VSIG4: variants seen among roughly 807,000 people sequenced by gnomAD.
VSIG4 encodes the protein V-set and immunoglobulin domain-containing protein 4.
Under a neutral mutation model 23.4 loss-of-function variants are expected in VSIG4, and 34 were observed. The observed-to-expected ratio is 1.45, with a 90% CI of 1.10 to 1.93. VSIG4 has a LOEUF of 1.93. Ranked by LOEUF, VSIG4 falls within the 30% of genes most tolerant of loss-of-function variation. The probability of loss-of-function intolerance (pLI) is 0.00; values close to 1 mark genes in which losing one functional copy is unlikely to be tolerated. For synonymous variants in VSIG4, 169 were observed against 120.3 expected (o/e 1.41, Z -2.65); for missense variants, 433 against 310.8 (o/e 1.39, Z -2.96).
At position 66,022,331 on chromosome X, in the gene VSIG4, C is replaced by A. The variant is rs181375443; in HGVS notation, c.1132G>T (p.Ala378Ser). Residue 378 changes from alanine to serine, a missense_variant, in exon 8 of 8, where the codon GCC becomes TCC. Physicochemically the swap from Ala to Ser is moderately conservative, Grantham distance 99. Transcript: ENST00000374737. The stretch of plus-strand genomic sequence containing the variant: ...AGAGGAACTGTGTCCAGCAGGCGGG[C>A]GTAGTTGCCATTGATCTGGGCGATG... ...QIIAQINGNYARLLDTVPLDY... is the reference protein window; with the variant it reads ...QIIAQINGNYSRLLDTVPLDY... 5.8e-6 allele frequency: 7 copies of A among 1,210,958 alleles called. No individual in the cohort carries two copies. Among genetic ancestry groups the A allele is most frequent in the Non-Finnish European group, 1.1e-6 (1 of 895,411 alleles).
chrX:66,022,077 C>T lies in VSIG4; in HGVS notation c.*186G>A. The T allele has an allele frequency of 1.7e-6, 2 of 1,165,600 alleles. No individual in the cohort carries two copies. The highest frequency in any genetic ancestry group is 2.3e-6 in the Non-Finnish European group (2 of 872,195). On this transcript the variant is annotated 3_prime_UTR_variant, in exon 8 of 8. Coordinates refer to ENST00000374737, the MANE Select transcript of VSIG4 (RefSeq NM_007268.3). ...TAGAAGGGCCCAGAGCCAAATCCAGCAGCTGGCTTACTTGAGATGCATCTG... is the reference window on the plus strand; with the variant it reads ...TAGAAGGGCCCAGAGCCAAATCCAGTAGCTGGCTTACTTGAGATGCATCTG...
intron 1 of VSIG4, 33 bp from the exon 2 acceptor site, chrX:66,033,863 G>A (rs768663947): frequency 7.2e-6 from 8 of 1,108,986 alleles, no homozygotes; most frequent in South Asian, 4.1e-5. Flanking sequence ...AGAAGCAAAC[G>A]TAGATGGCAT....
At chrX:66,029,260 G>A (rs766717177) in intron 3 of VSIG4, among the ~76,000 whole-genome samples, 144 of 111,806 alleles carry the variant, frequency 1.3e-3, no homozygotes, top group African/African-American at 4.5e-3. Flanking sequence ...TACACCTTTT[G>A]AGAAAGGTTT....
At chrX:66,031,298 C>A (rs1057204911) in intron 3 of VSIG4, among the ~76,000 whole-genome samples, 1 of 110,063 alleles carries the variant, frequency 9.1e-6, no homozygotes, top group Non-Finnish European at 1.9e-5. Flanking sequence ...CTGGTCACGC[C>A]CTGCCCTCTC....
intron 5 of VSIG4, among the ~76,000 whole-genome samples, chrX:66,027,023 A>G (rs996942540): frequency 1.8e-5 from 2 of 111,550 alleles, no homozygotes; most frequent in Admixed American, 1.9e-4. Flanking sequence ...TGACTTGGGA[A>G]TTTTCAAGGC....
In VSIG4 at chrX:66,021,744, T is replaced by C; in HGVS notation, c.*519A>G. On this transcript the variant is annotated 3_prime_UTR_variant, in exon 8 of 8. Coordinates refer to ENST00000374737, the MANE Select transcript of VSIG4 (RefSeq NM_007268.3). ...AAGACCAACACAACTGAAGTTGCTG[T>C]TATGATTAGATATTTATTGAGCACC... 1 of 208,879 alleles carries C rather than the reference T, an allele frequency of 4.8e-6. No homozygotes were observed. The highest frequency in any genetic ancestry group is 6.6e-5 in the South Asian group (1 of 15,132). The allele number at this position is 208,879 out of a possible 1,213,427, so 17.2% of individuals were successfully genotyped here. A position where few individuals can be genotyped will look rare whatever the true frequency, so the allele number is the denominator to read the frequency against.
intron 5 of VSIG4, among the ~76,000 whole-genome samples, chrX:66,027,191 T>C (rs1425629274): frequency 9.0e-6 from 1 of 111,700 alleles, no homozygotes; most frequent in East Asian, 2.8e-4. Flanking sequence ...CATATTACTA[T>C]GACAACAGAG....
chrX:66,023,235 A>ATACC (rs76668779), intron 6 of VSIG4, among the ~76,000 whole-genome samples: 2,250 of 110,465 alleles, frequency 0.02, 21 homozygotes, highest in Non-Finnish European at 0.028. Context: ...GTCAGGCCAC[A>ATACC]TACCAGGAAG....
chrX:66,028,649 C>G (rs2085425500), intron 3 of VSIG4, among the ~76,000 whole-genome samples: 1 of 105,689 alleles, frequency 9.5e-6, no homozygotes, highest in African/African-American at 3.5e-5. Flanking sequence ...GAAAAATATC[C>G]CAGTTTTGGT....
At chrX:66,039,915 T>C in intron 1 of VSIG4, 29 bp downstream of exon 1, 1 of 1,208,834 alleles carries the variant, frequency 8.3e-7, no homozygotes. Flanking sequence ...AAGCCAGCAA[T>C]GGCAGCCAGG....
chrX:66,037,527 A>C (rs1327569520), intron 1 of VSIG4, among the ~76,000 whole-genome samples: 1 of 15,135 alleles, frequency 6.6e-5, no homozygotes, highest in Non-Finnish European at 1.1e-4. Flanking sequence ...ATATAATATA[A>C]TATATTCATA....
Position 66,027,974 on chromosome X carries a change from C to T in VSIG4, c.757+76G>A. The T allele has an allele frequency of 3.2e-6, 3 of 947,732 alleles. No homozygotes were observed. In the South Asian group the frequency reaches 5.9e-5, roughly 18 times the overall value. The allele number at this position is 947,732 out of a possible 1,213,427, so 78.1% of individuals were successfully genotyped here. On this transcript the variant is annotated intron_variant, in intron 4 of 7. Transcript: ENST00000374737. ...TGACTGTTTATTAGCCATTCCATGG[C>T]ATTGTGATTCCTTTCTTGGCTACGA... is the stretch of plus-strand genomic sequence containing the variant.
intron 3 of VSIG4, among the ~76,000 whole-genome samples, chrX:66,028,558 CTTTTTTTTTT>C (rs34660062): frequency 4.0e-5 from 3 of 74,254 alleles, no homozygotes; most frequent in Admixed American, 1.6e-4. Flanking sequence ...ACGTAATCAA[CTTTTTTTTTT>C]TTTTTTTTTT....
At chrX:66,028,922 G>GTCACACA (rs2085429753) in intron 3 of VSIG4, among the ~76,000 whole-genome samples, 2 of 111,234 alleles carry the variant, frequency 1.8e-5, no homozygotes, top group African/African-American at 6.5e-5. Flanking sequence ...CTGAGGCAAT[G>GTCACACA]GATAATAGGC....
chrX:66,036,949 A>G (rs1245052071), intron 1 of VSIG4, among the ~76,000 whole-genome samples: 1 of 36,248 alleles, frequency 2.8e-5, no homozygotes, highest in Non-Finnish European at 3.9e-5. Flanking sequence ...TATATGATAT[A>G]TTATATTATA....
Position 66,022,348 on chromosome X carries a change from T to C in VSIG4, c.1115A>G (p.Gln372Arg), listed in dbSNP as rs761916008. Residue 372 changes from glutamine to arginine, a missense_variant, in exon 8 of 8, where the codon CAG becomes CGG. Coordinates refer to ENST00000374737, the MANE Select transcript of VSIG4 (RefSeq NM_007268.3). ...CIGQEYQIIA[Q>R]INGNYARLLD... The stretch of plus-strand genomic sequence containing the variant: ...CAGGCGGGCGTAGTTGCCATTGATC[T>C]GGGCGATGATCTGGTACTCCTGTCC... The C allele has an allele frequency of 1.6e-6, 2 of 1,212,192 alleles. No homozygotes were observed.
chrX:66,039,541 C>T (rs147184893), intron 1 of VSIG4, among the ~76,000 whole-genome samples: 2 of 111,223 alleles, frequency 1.8e-5, no homozygotes, highest in East Asian at 5.6e-4. Context: ...AGAAAACACT[C>T]CTTCTTCGGG....
chrX:66,034,723 G>A (rs2085514614), intron 1 of VSIG4, among the ~76,000 whole-genome samples: 1 of 98,170 alleles, frequency 1.0e-5, no homozygotes, highest in Admixed American at 1.1e-4. Flanking sequence ...AGAAGCAATG[G>A]GAGATTGCTC....
rs773581890 is a variant in VSIG4, at chrX:66,022,446, G to A, written c.1017C>T (p.Phe339=). The A allele has an allele frequency of 4.8e-5, 58 of 1,210,770 alleles. No homozygotes were observed. Among genetic ancestry groups the A allele is most frequent in the South Asian group, 2.3e-4 (13 of 56,888 alleles). ...GCTCATCACTGGAGCAGCCACTTGC[G>A]AAGATGGCCACCCTCATGGTTTCTC... ...DSGETMRVAI[F]ASGCSSDEPT... The change falls in exon 8 of 8, where the codon TTC becomes TTT. Residue 339 remains phenylalanine, a synonymous_variant. Transcript: ENST00000374737.
Sources: allele counts gnomAD v4.1 joint callset (sites outside exome capture counted in the v4.1 genomes callset), GRCh38; gene constraint gnomAD v4.1.1; transcripts MANE v1.5; gene names NCBI Gene and HGNC (gene_info 2026-07-23, HGNC 2026-07-21).